ZBTB7C: variants seen among roughly 807,000 people sequenced by gnomAD.
ZBTB7C encodes the protein zinc finger and BTB domain-containing protein 7C.
A neutral mutation model predicts 25.7 loss-of-function variants in ZBTB7C; 8 were observed. The ratio of observed to expected loss-of-function variants is 0.31; its 90% confidence interval spans 0.18 to 0.56. ZBTB7C has a LOEUF of 0.56. ZBTB7C is among the 20% of genes least tolerant of loss of function. The pLI is 0.91. For missense variants in ZBTB7C, 824 were observed against 855.2 expected (o/e 0.96, Z 0.46); for synonymous variants, 394 against 369.0 (o/e 1.07, Z -0.78).
At chr18:48,341,665 C>T (rs183287509) in intron 1 of ZBTB7C, among the ~76,000 whole-genome samples, 1 of 152,250 alleles carries the variant, frequency 6.6e-6, no homozygotes, top group Non-Finnish European at 1.5e-5. Flanking sequence ...AGGGCTACAG[C>T]ATGCCGCTTG....
intron 2 of ZBTB7C, among the ~76,000 whole-genome samples, chr18:48,331,725 G>C (rs1350809310): frequency 6.6e-6 from 1 of 152,118 alleles, no homozygotes; most frequent in Non-Finnish European, 1.5e-5. Flanking sequence ...GTTCTGTACT[G>C]TCACTTTCCC....
chr18:48,041,603 A>T, intron 3 of ZBTB7C: 19 of 959,276 alleles, frequency 2.0e-5, no homozygotes, highest in Non-Finnish European at 2.4e-5. Flanking sequence ...TACACTTTGC[A>T]CTGGCTACTA....
At chr18:48,099,048 T>A (rs974287627) in intron 3 of ZBTB7C, among the ~76,000 whole-genome samples, 18 of 152,228 alleles carry the variant, frequency 1.2e-4, no homozygotes, top group Non-Finnish European at 5.9e-5. Context: ...TCTATTTTGC[T>A]TGAGCCAGTT....
At position 48,232,438 on chromosome 18, in the gene ZBTB7C, C is replaced by T. The variant is rs561422927; in HGVS notation, c.-78-46443G>A. Among the ~76,000 whole-genome samples, 22 of 152,208 alleles carry T rather than the reference C, an allele frequency of 1.4e-4. No homozygotes were observed. The South Asian group carries it at 4.4e-3, about 30-fold the overall frequency. ...TTATGGCAGCCCCGAGAAACTAACA[C>T]ATCTGCCAAGATGCCAGACTTGTGA... On this transcript the variant is annotated intron_variant, in intron 2 of 4. Transcript: ENST00000590800.
At chr18:48,288,286 G>A (rs898228886) in intron 2 of ZBTB7C, among the ~76,000 whole-genome samples, 2 of 152,204 alleles carry the variant, frequency 1.3e-5, no homozygotes, top group Non-Finnish European at 2.9e-5. Context: ...GTGTAAGAAG[G>A]TGGGGACTTT....
At chr18:48,172,574 A>G (rs892809091) in intron 3 of ZBTB7C, among the ~76,000 whole-genome samples, 4 of 152,246 alleles carry the variant, frequency 2.6e-5, no homozygotes, top group Non-Finnish European at 5.9e-5. Flanking sequence ...CGCACCCGCC[A>G]CATCGTTGCA....
intron 2 of ZBTB7C, among the ~76,000 whole-genome samples, chr18:48,330,791 G>C (rs887522602): frequency 1.3e-5 from 2 of 152,158 alleles, no homozygotes; most frequent in African/African-American, 4.8e-5. Flanking sequence ...GAGTGGCTGT[G>C]AGGGCTGGGC....
In ZBTB7C at chr18:48,250,778, CT is replaced by C. The variant is rs112162935; in HGVS notation, c.-78-64784del. On this transcript the variant is annotated intron_variant, in intron 2 of 4. Coordinates refer to ENST00000590800, the MANE Select transcript of ZBTB7C (RefSeq NM_001318841.2). The stretch of plus-strand genomic sequence containing the variant: ...CAGGATCTAATGATCTTGAAACAAT[CT>C]TTTTTTTTTTTTTATATCCAGTCTA... Among the ~76,000 whole-genome samples the C allele has an allele frequency of 5.2e-3, 750 of 144,826 alleles. 3 individuals carry two copies. The highest frequency in any genetic ancestry group is 9.5e-3 in the South Asian group (43 of 4,550).
intron 3 of ZBTB7C, among the ~76,000 whole-genome samples, chr18:48,152,037 G>A (rs1261204907): frequency 6.6e-6 from 1 of 152,208 alleles, no homozygotes; most frequent in Non-Finnish European, 1.5e-5. Flanking sequence ...CAGTGGGCAA[G>A]GGGGTGAGTT....
chr18:48,256,880 A>G (rs1195839206), intron 2 of ZBTB7C, among the ~76,000 whole-genome samples: 1 of 152,034 alleles, frequency 6.6e-6, no homozygotes, highest in Non-Finnish European at 1.5e-5. Flanking sequence ...CAGGTAGTTA[A>G]CAAAGGAGAT....
chr18:48,068,050 T>A (rs1260990455), intron 3 of ZBTB7C, among the ~76,000 whole-genome samples: 2 of 151,878 alleles, frequency 1.3e-5, no homozygotes, highest in African/African-American at 4.8e-5. Flanking sequence ...CCACTCTCCA[T>A]CCTATTGGTT....
intron 3 of ZBTB7C, chr18:48,149,016 A>T (rs535596700): frequency 6.6e-6 from 1 of 152,304 alleles, no homozygotes; most frequent in Admixed American, 6.5e-5. Flanking sequence ...TGTATATTAG[A>T]TTAGGTCCTG....
intron 3 of ZBTB7C, among the ~76,000 whole-genome samples, chr18:48,056,285 T>C (rs2036912179): frequency 1.3e-5 from 2 of 152,182 alleles, no homozygotes; most frequent in South Asian, 4.1e-4. Flanking sequence ...CACAATACCA[T>C]AAAGATGCCA....
intron 3 of ZBTB7C, among the ~76,000 whole-genome samples, chr18:48,077,808 C>T (rs1408539435): frequency 6.6e-6 from 1 of 152,200 alleles, no homozygotes; most frequent in Admixed American, 6.5e-5. Flanking sequence ...CAGGCCTGCA[C>T]AATACCCTGC....
At chr18:48,408,210 G>C (rs544480867) in intron 1 of ZBTB7C, 1 of 152,440 alleles carries the variant, frequency 6.6e-6, no homozygotes, top group South Asian at 2.1e-4. Flanking sequence ...CAGCTTTGCA[G>C]ATTGCAAAGA....
intron 2 of ZBTB7C, among the ~76,000 whole-genome samples, chr18:48,260,587 T>C (rs1026203111): frequency 6.6e-6 from 1 of 152,182 alleles, no homozygotes; most frequent in Admixed American, 6.5e-5. Context: ...CTCCTGGAGT[T>C]GCAGCAGATC....
At chr18:48,036,514 C>T (rs750985215) in intron 4 of ZBTB7C, among the ~76,000 whole-genome samples, 2 of 152,160 alleles carry the variant, frequency 1.3e-5, no homozygotes, top group Non-Finnish European at 2.9e-5. Flanking sequence ...GAGCTCTTCC[C>T]AACATCAAGG....
chr18:48,098,174 G>T (rs1240165071), intron 3 of ZBTB7C, among the ~76,000 whole-genome samples: 1 of 152,136 alleles, frequency 6.6e-6, no homozygotes, highest in Non-Finnish European at 1.5e-5. Context: ...TCACTCTGAC[G>T]GGGCCTTTTG....
chr18:48,336,972 C>T (rs747276947), intron 2 of ZBTB7C, among the ~76,000 whole-genome samples: 28 of 152,182 alleles, frequency 1.8e-4, no homozygotes, highest in Non-Finnish European at 3.2e-4. Context: ...GACCCTGGAG[C>T]TCAATTCTTT....
Sources: gnomAD v4.1 joint callset for allele counts (sites outside exome capture counted in the v4.1 genomes callset) on GRCh38, gnomAD v4.1.1 for gene constraint, MANE v1.5 for transcripts, NCBI Gene and HGNC (gene_info 2026-07-23, HGNC 2026-07-21) for gene names.